The following BCLAF3 variants were observed in gnomAD, a reference collection of about 807,000 sequenced individuals.
BCLAF3 encodes transient octamer binding factor 1.
BCLAF3 carries 24 observed loss-of-function variants against 51.2 expected under a neutral mutation model. The ratio of observed to expected loss-of-function variants is 0.47; its 90% confidence interval spans 0.34 to 0.66. BCLAF3 has a LOEUF of 0.66. BCLAF3 is among the 30% of genes least tolerant of loss of function. The probability of loss-of-function intolerance (pLI) is 0.01; values close to 1 mark genes in which losing one functional copy is unlikely to be tolerated. For synonymous variants in BCLAF3, 152 were observed against 176.6 expected (o/e 0.86, Z 1.10); for missense variants, 465 against 525.1 (o/e 0.89, Z 1.12).
intron 2 of BCLAF3, among the ~76,000 whole-genome samples, chrX:19,968,342 G>A (rs1231672784): frequency 8.9e-6 from 1 of 112,746 alleles, no homozygotes; most frequent in Non-Finnish European, 1.9e-5. Context: ...AGTGTTGCAA[G>A]ATAGAGATAG....
intron 11 of BCLAF3, among the ~76,000 whole-genome samples, chrX:19,927,630 C>T (rs2070400577): frequency 9.1e-6 from 1 of 110,476 alleles, no homozygotes; most frequent in Non-Finnish European, 1.9e-5. Context: ...GCCTCACTTA[C>T]TGATATAATG....
chrX:19,962,110 T>C (rs770274663), intron 4 of BCLAF3, among the ~76,000 whole-genome samples: 11 of 112,550 alleles, frequency 9.8e-5, no homozygotes, highest in Non-Finnish European at 1.9e-4. Context: ...TTTAAAAGTG[T>C]TACAATTTTT....
intron 4 of BCLAF3, among the ~76,000 whole-genome samples, chrX:19,962,139 A>G (rs914767841): frequency 8.9e-6 from 1 of 112,309 alleles, no homozygotes; most frequent in Non-Finnish European, 1.9e-5. Context: ...TTTTAACTAT[A>G]ACACACTTCA....
rs763353881 is a variant in BCLAF3, at chrX:19,929,909, T to C, written c.1982A>G (p.Asn661Ser). Residue 661 changes from asparagine (N) to serine (S), a missense_variant, in exon 11 of 12, where the codon AAT (asparagine) becomes AGT (serine). Transcript: ENST00000379682. ...SNFRGGRCQP[N>S]YKSGLVQKSL... ...CTTCTGTACCAGGCCTGATTTATAA[T>C]TGGGCTGGCATCTGCCACCTCTAAA... 8.3e-6 allele frequency: 10 copies of C among 1,207,288 alleles called. No individual in the cohort carries two copies. In the East Asian group the frequency reaches 1.2e-4, roughly 14 times the overall value.
At chrX:19,922,379 AT>A (rs2070196927) in intron 11 of BCLAF3, among the ~76,000 whole-genome samples, 1 of 111,907 alleles carries the variant, frequency 8.9e-6, no homozygotes, top group Admixed American at 9.5e-5. Context: ...AAGAAAAAAA[AT>A]AGAATACTTG....
At chrX:19,977,204 C>T (rs766264225) in intron 1 of BCLAF3, among the ~76,000 whole-genome samples, 36 of 111,372 alleles carry the variant, frequency 3.2e-4, no homozygotes, top group African/African-American at 1.2e-3. Context: ...TCTAAATGTT[C>T]AAGTGAAAGG....
chrX:19,979,275 T>C (rs1331281863), intron 1 of BCLAF3, among the ~76,000 whole-genome samples: 1 of 109,553 alleles, frequency 9.1e-6, no homozygotes, highest in South Asian at 4.0e-4. Flanking sequence ...CCAAAAAAAA[T>C]TGCCTTAGCT....
At chrX:19,941,371 C>T (rs1422235040) in intron 8 of BCLAF3, among the ~76,000 whole-genome samples, 1 of 103,509 alleles carries the variant, frequency 9.7e-6, no homozygotes, top group Admixed American at 1.0e-4. Flanking sequence ...AATGGTAATG[C>T]CTAGGTTATC....
At position 19,965,615 on chromosome X, in the gene BCLAF3, T is replaced by C. The variant is rs373253751; in HGVS notation, c.703A>G (p.Asn235Asp). 1 of 1,174,193 alleles carries C rather than the reference T, an allele frequency of 8.5e-7. No homozygotes were observed. The highest frequency in any genetic ancestry group is 1.8e-5 in the African/African-American group (1 of 56,146). ...ERYESREPAR[N>D]PKWKPEHSLP... Reference sequence around the variant, plus strand: ...GAATGCTCAGGCTTCCACTTTGGGTTCCTGGCAGGCTCTCTGCTTTCATAC... The same window carrying C: ...GAATGCTCAGGCTTCCACTTTGGGTCCCTGGCAGGCTCTCTGCTTTCATAC... Residue 235 changes from asparagine to aspartate, a missense_variant, in exon 4 of 12, where the codon AAC becomes GAC. Coordinates refer to ENST00000379682, the MANE Select transcript of BCLAF3 (RefSeq NM_001367774.2).
At chrX:19,950,665 A>G (rs2071448233) in intron 8 of BCLAF3, 88 bp downstream of exon 8, 1 of 619,545 alleles carries the variant, frequency 1.6e-6, no homozygotes, top group Non-Finnish European at 2.5e-6. Flanking sequence ...CCTATATTAA[A>G]ATGAAAATTA....
intron 11 of BCLAF3, among the ~76,000 whole-genome samples, chrX:19,921,049 A>T (rs781636744): frequency 9.0e-6 from 1 of 111,639 alleles, no homozygotes; most frequent in South Asian, 3.8e-4. Context: ...CAAAGGTACA[A>T]ATACATGAAA....
At chrX:19,963,181 CTTTTTTT>C (rs10538654) in intron 4 of BCLAF3, among the ~76,000 whole-genome samples, 1 of 76,450 alleles carries the variant, frequency 1.3e-5, no homozygotes, top group Non-Finnish European at 2.6e-5. Flanking sequence ...TCCAAGCTCC[CTTTTTTT>C]TTTTTTTTTG....
intron 4 of BCLAF3, among the ~76,000 whole-genome samples, chrX:19,959,652 C>T (rs976178895): frequency 2.8e-5 from 3 of 108,655 alleles, no homozygotes; most frequent in African/African-American, 1.0e-4. Flanking sequence ...GTGGCGTGTG[C>T]CTATAGTCCC....
In BCLAF3 at chrX:19,916,611, T is replaced by C. The variant is rs1414442151; in HGVS notation, c.*694A>G. 3 of 112,644 alleles carry C rather than the reference T, an allele frequency of 2.7e-5. No individual in the cohort carries two copies. The highest frequency in any genetic ancestry group is 9.5e-5 in the Admixed American group (1 of 10,548). The allele number at this position is 112,644 out of a possible 1,213,427, so 9.3% of individuals were successfully genotyped here. On this transcript the variant is annotated 3_prime_UTR_variant, in exon 12 of 12. Transcript: ENST00000379682. The stretch of plus-strand genomic sequence containing the variant: ...CCTGAGGGAAAAATAAGATGGACTA[T>C]AGATTACAAAATCTTTACATATTTT...
chrX:19,977,665 G>A (rs183954957), intron 1 of BCLAF3, among the ~76,000 whole-genome samples: 62 of 112,866 alleles, frequency 5.5e-4, no homozygotes, highest in Non-Finnish European at 1.0e-3. Context: ...AGAAGCTGCA[G>A]CAAGTTATCC....
At position 19,953,910 on chromosome X, in the gene BCLAF3, G is replaced by A; in HGVS notation, c.1451-18C>T. ...ATAATTTGCTGAAAAAGGAAATGAAGAGTTTTATCTCAATGTTAAGCTGAT... is the reference window on the plus strand; with the variant it reads ...ATAATTTGCTGAAAAAGGAAATGAAAAGTTTTATCTCAATGTTAAGCTGAT... On this transcript the variant is annotated intron_variant, in intron 5 of 11. Coordinates refer to ENST00000379682, the MANE Select transcript of BCLAF3 (RefSeq NM_001367774.2). 1 of 1,199,177 alleles carries A rather than the reference G, an allele frequency of 8.3e-7. No individual in the cohort carries two copies. The highest frequency in any genetic ancestry group is 1.1e-6 in the Non-Finnish European group (1 of 887,484).
rs1451179474 is a variant in BCLAF3, at chrX:19,914,190, G to A, written c.*3115C>T. 2 of 111,378 alleles carry A rather than the reference G, an allele frequency of 1.8e-5. No homozygotes were observed. The highest frequency in any genetic ancestry group is 3.3e-5 in the African/African-American group (1 of 30,627). 9.2% of individuals were successfully genotyped at this position (111,378 alleles called of 1,213,427 possible). On this transcript the variant is annotated 3_prime_UTR_variant, in exon 12 of 12. Coordinates refer to ENST00000379682, the MANE Select transcript of BCLAF3 (RefSeq NM_001367774.2). ...GTCCTGAGATGGAAGCAAAGACTTC[G>A]TTGTCCCAAGAGTTTTCCTTGACTC...
intron 1 of BCLAF3, among the ~76,000 whole-genome samples, chrX:19,988,373 G>C (rs1227987560): frequency 5.3e-5 from 6 of 112,324 alleles, no homozygotes; most frequent in Non-Finnish European, 1.1e-4. Flanking sequence ...GAGTGAAAGA[G>C]TATGGGGGCA....
chrX:19,984,159 T>C (rs2072721057), intron 1 of BCLAF3, among the ~76,000 whole-genome samples: 1 of 108,393 alleles, frequency 9.2e-6, no homozygotes, highest in African/African-American at 3.4e-5. Flanking sequence ...GCATTAACTG[T>C]GACACAAAAA....
Sources: gnomAD v4.1 joint callset for allele counts (sites outside exome capture counted in the v4.1 genomes callset) on GRCh38, gnomAD v4.1.1 for gene constraint, MANE v1.5 for transcripts, NCBI Gene and HGNC (gene_info 2026-07-23, HGNC 2026-07-21) for gene names.